The following COL22A1 variants were observed in gnomAD, a reference collection of about 807,000 sequenced individuals.
COL22A1 encodes collagen alpha-1(XXII) chain.
Under a neutral mutation model 248.9 loss-of-function variants are expected in COL22A1, and 221 were observed. The observed-to-expected ratio is 0.89, with a 90% CI of 0.80 to 0.99. The LOEUF (loss-of-function observed/expected upper bound fraction) is 0.99, where lower values mean the gene tolerates loss of function less well. Ranked by LOEUF, COL22A1 falls within the 50% of genes least tolerant of loss-of-function variation. The pLI is 0.00. For missense variants in COL22A1, 2,240 were observed against 2,179.0 expected (o/e 1.03, Z -0.56); for synonymous variants, 891 against 793.4 (o/e 1.12, Z -2.07).
chr8:138,708,484 AC>A (rs1828676157), intron 30 of COL22A1, among the ~76,000 whole-genome samples: 1 of 152,214 alleles, frequency 6.6e-6, no homozygotes, highest in Non-Finnish European at 1.5e-5. Flanking sequence ...ATAATACCAC[AC>A]ATCTACAACC....
At chr8:138,716,177 T>C in intron 29 of COL22A1, 50 bp downstream of exon 29, 1 of 1,419,344 alleles carries the variant, frequency 7.0e-7, no homozygotes, top group Non-Finnish European at 9.7e-7. Context: ...CTGCTCTCTG[T>C]GGAGATGGGC....
At chr8:138,777,407 G>A (rs949259483) in intron 15 of COL22A1, among the ~76,000 whole-genome samples, 7 of 152,102 alleles carry the variant, frequency 4.6e-5, no homozygotes, top group African/African-American at 1.7e-4. Context: ...ATGTCTCCCT[G>A]GCAACTCAAG....
chr8:138,664,598 A>C (rs1431141800), intron 41 of COL22A1, among the ~76,000 whole-genome samples: 1 of 152,032 alleles, frequency 6.6e-6, no homozygotes, highest in East Asian at 1.9e-4. Flanking sequence ...CACCCTGCCT[A>C]AGACTGAAAG....
At chr8:138,832,846 T>A (rs982641566) in intron 5 of COL22A1, among the ~76,000 whole-genome samples, 193 bp downstream of exon 5, 3 of 152,228 alleles carry the variant, frequency 2.0e-5, no homozygotes, top group African/African-American at 7.2e-5. Context: ...AAGTCAATGA[T>A]AATAGATTGG....
At chr8:138,840,892 G>A (rs1357573974) in intron 4 of COL22A1, among the ~76,000 whole-genome samples, 4 of 152,094 alleles carry the variant, frequency 2.6e-5, no homozygotes, top group South Asian at 2.1e-4. Flanking sequence ...TATCACAGGC[G>A]TGAGCCACTG....
At chr8:138,696,188 T>G (rs931886283) in intron 32 of COL22A1, among the ~76,000 whole-genome samples, 8 of 152,098 alleles carry the variant, frequency 5.3e-5, no homozygotes, top group Admixed American at 3.3e-4. Flanking sequence ...CCAGAGCACG[T>G]GTACCCAGAA....
chr8:138,855,414 C>T (rs1821937520), intron 3 of COL22A1, among the ~76,000 whole-genome samples: 1 of 152,198 alleles, frequency 6.6e-6, no homozygotes, highest in African/African-American at 2.4e-5. Context: ...AGTGTGGCTC[C>T]AGGGGCCCTG....
chr8:138,655,906 G>A lies in COL22A1; in HGVS notation c.3324C>T (p.Leu1108=), dbSNP rs1374017171. Residue 1108 remains leucine (L), a synonymous_variant, in exon 45 of 65, where the codon CTC becomes CTT. Coordinates refer to ENST00000303045, the MANE Select transcript of COL22A1 (RefSeq NM_152888.3). ...TATTGTATGCTTTTACCTTAGCCAA[G>A]AGATTTATGTCCCCTGGAGACAGTA... is the stretch of plus-strand genomic sequence containing the variant. ...SSLLSPGDIN[L]LAKDVCNDCP... 17 of 1,612,458 alleles carry A rather than the reference G, an allele frequency of 1.1e-5. No individual in the cohort carries two copies. The highest frequency in any genetic ancestry group is 1.4e-5 in the Non-Finnish European group (17 of 1,178,720).
At chr8:138,721,999 G>A (rs4319142) in intron 26 of COL22A1, 37 bp downstream of exon 26, 121,049 of 1,524,590 alleles carry the variant, frequency 0.079, 7,189 homozygotes, top group African/African-American at 0.25. Flanking sequence ...CTGTGTTTTG[G>A]GTTCCCAAAC....
At chr8:138,676,443 A>T in intron 41 of COL22A1, 115 bp downstream of exon 41, 4 of 545,806 alleles carry the variant, frequency 7.3e-6, no homozygotes, top group Non-Finnish European at 6.5e-6. Flanking sequence ...GAAAGAAAGA[A>T]AGAAAGAAAG....
intron 39 of COL22A1, among the ~76,000 whole-genome samples, chr8:138,683,337 T>C (rs1346251014): frequency 6.6e-6 from 1 of 152,334 alleles, no homozygotes; most frequent in Admixed American, 6.5e-5. Flanking sequence ...GAATGATTCA[T>C]TGTAGAAGGT....
intron 23 of COL22A1, among the ~76,000 whole-genome samples, chr8:138,728,165 T>A (rs1340604769): frequency 6.6e-6 from 1 of 152,140 alleles, no homozygotes; most frequent in African/African-American, 2.4e-5. Flanking sequence ...CCTGAGTAGC[T>A]GAGACTACAG....
chr8:138,777,185 G>A (rs1307216733), intron 15 of COL22A1, among the ~76,000 whole-genome samples: 3 of 152,178 alleles, frequency 2.0e-5, no homozygotes, highest in African/African-American at 4.8e-5. Flanking sequence ...AAAGATGGTA[G>A]AGATAGCGGG....
At chr8:138,788,519 G>T (rs1815742517) in intron 12 of COL22A1, among the ~76,000 whole-genome samples, 1 of 152,170 alleles carries the variant, frequency 6.6e-6, no homozygotes, top group Non-Finnish European at 1.5e-5. Flanking sequence ...ATTCTTTGAT[G>T]ATCTATGAAT....
intron 3 of COL22A1, among the ~76,000 whole-genome samples, chr8:138,857,902 C>T (rs983100415): frequency 6.6e-6 from 1 of 152,218 alleles, no homozygotes; most frequent in Non-Finnish European, 1.5e-5. Context: ...AAACCCAAAC[C>T]CATAGAGGTC....
At chr8:138,741,665 G>T (rs1385580995) in intron 22 of COL22A1, among the ~76,000 whole-genome samples, 1 of 152,222 alleles carries the variant, frequency 6.6e-6, no homozygotes, top group Non-Finnish European at 1.5e-5. Flanking sequence ...GTCATATTCT[G>T]GCTCCTTTGT....
At chr8:138,710,786 C>T (rs1828898074) in intron 30 of COL22A1, among the ~76,000 whole-genome samples, 1 of 152,112 alleles carries the variant, frequency 6.6e-6, no homozygotes. Flanking sequence ...GAAACAAAAG[C>T]ACTTTCTTGG....
At chr8:138,769,766 A>G (rs1223438144) in intron 16 of COL22A1, among the ~76,000 whole-genome samples, 1 of 152,228 alleles carries the variant, frequency 6.6e-6, no homozygotes, top group East Asian at 1.9e-4. Flanking sequence ...AGTGCATGAC[A>G]CTGCCAACCC....
At chr8:138,826,895 A>T in intron 5 of COL22A1, 114 bp from the exon 6 acceptor site, 1 of 1,283,404 alleles carries the variant, frequency 7.8e-7, no homozygotes, top group East Asian at 2.5e-5. Context: ...CTTCCTAAAT[A>T]TTTCCACCAT....
Sources: gnomAD v4.1 joint callset for allele counts (sites outside exome capture counted in the v4.1 genomes callset) on GRCh38, gnomAD v4.1.1 for gene constraint, MANE v1.5 for transcripts, NCBI Gene and HGNC (gene_info 2026-07-23, HGNC 2026-07-21) for gene names.